Variants in SNX7 observed in about 807,000 individuals in gnomAD.
The protein encoded by SNX7 is sorting nexin-7.
In SNX7, 35 loss-of-function variants were observed where a neutral mutation model predicts 48.4. That is an observed-to-expected ratio of 0.72 (90% CI 0.55 to 0.96). SNX7 has a LOEUF of 0.96. SNX7 is among the 40% of genes least tolerant of loss of function. The pLI, the probability that SNX7 is intolerant of heterozygous loss-of-function variation, is 0.00. For synonymous variants in SNX7, 190 were observed against 190.2 expected (o/e 1.00, Z 0.01); for missense variants, 553 against 548.9 (o/e 1.01, Z -0.07).
chr1:98,717,884 T>G (rs1046706451), intron 7 of SNX7, among the ~76,000 whole-genome samples: 4 of 152,098 alleles, frequency 2.6e-5, no homozygotes, highest in Admixed American at 6.6e-5. Context: ...TTCTGAGACC[T>G]TCTTATTTAG....
At chr1:98,669,163 G>A (rs987343941) in intron 1 of SNX7, among the ~76,000 whole-genome samples, 9 of 152,076 alleles carry the variant, frequency 5.9e-5, no homozygotes, top group African/African-American at 2.2e-4. Context: ...TAATTCCTTA[G>A]GTGTCCAGGA....
chr1:98,701,985 C>T (rs1557808267), intron 7 of SNX7, 82 bp downstream of exon 7: 1 of 919,322 alleles, frequency 1.1e-6, no homozygotes, highest in Non-Finnish European at 1.7e-6. Context: ...CATGATTGTC[C>T]TTACATGATT....
At chr1:98,693,686 A>G (rs1051882131) in intron 4 of SNX7, among the ~76,000 whole-genome samples, 4 of 152,238 alleles carry the variant, frequency 2.6e-5, no homozygotes, top group Non-Finnish European at 5.9e-5. Context: ...ATTGGCACAA[A>G]AGAAATCACA....
At chr1:98,676,144 T>C (rs866457684) in intron 1 of SNX7, among the ~76,000 whole-genome samples, 2 of 151,932 alleles carry the variant, frequency 1.3e-5, no homozygotes, top group Non-Finnish European at 2.9e-5. Flanking sequence ...CCCCCAGTCA[T>C]ACACATACAC....
intron 2 of SNX7, among the ~76,000 whole-genome samples, chr1:98,690,501 A>T (rs923265168): frequency 6.6e-6 from 1 of 152,118 alleles, no homozygotes. Flanking sequence ...TTTTCTTTTC[A>T]CATCAAATGT....
chr1:98,666,523 A>G (rs1382055307), intron 1 of SNX7, among the ~76,000 whole-genome samples: 3 of 152,142 alleles, frequency 2.0e-5, no homozygotes, highest in African/African-American at 7.2e-5. Context: ...GATGTCATCT[A>G]TAGGTGCCAG....
intron 8 of SNX7, among the ~76,000 whole-genome samples, chr1:98,742,067 C>CA (rs1270492310): frequency 6.6e-6 from 1 of 151,972 alleles, no homozygotes; most frequent in African/African-American, 2.4e-5. Context: ...AGTATGAGCA[C>CA]AAAAAATGGG....
rs186685828 is a variant in SNX7 at position 98,692,170 on chromosome 1, T to C, written c.639+471T>C. On this transcript the variant is annotated intron_variant, in intron 4 of 8. Coordinates refer to ENST00000306121, the MANE Select transcript of SNX7 (RefSeq NM_015976.5). ...GTAGCCTCCTGTTGATTGGAAGCCT[T>C]AACTGTAACATAAACAGTTGGTTAA... 2.6e-5 allele frequency among the ~76,000 whole-genome samples: 4 copies of C among 152,256 alleles called. 1 individual carries two copies. Among genetic ancestry groups the C allele is most frequent in the Admixed American group, 2.6e-4 (4 of 15,294 alleles).
At position 98,740,244 on chromosome 1, in the gene SNX7, A is replaced by G. The variant is rs370137152; in HGVS notation, c.1278+1855A>G. 1.1e-4 allele frequency among the ~76,000 whole-genome samples: 17 copies of G among 152,262 alleles called. No homozygotes were observed. The East Asian group carries it at 3.3e-3, about 29-fold the overall frequency. On this transcript the variant is annotated intron_variant, in intron 8 of 8. Coordinates refer to ENST00000306121, the MANE Select transcript of SNX7 (RefSeq NM_015976.5). ...AAAGTATTTCTTTTTAATAAAGCAC[A>G]TTTATCAACATAAGGCTTTATTACC...
chr1:98,691,145 A>G lies in SNX7; in HGVS notation c.434A>G (p.Lys145Arg). The change falls in exon 3 of 9, where the codon AAG becomes AGG. Residue 145 changes from lysine (K) to arginine (R), a missense_variant. By Grantham distance (26) the Lys-to-Arg change is conservative. Transcript: ENST00000306121. ...RRRYQDFLWL[K>R]GKLEEAHPTL... ...CGATATCAAGATTTCCTTTGGTTGA[A>G]GGGAAAACTGGAAGAAGCACACCCC... The G allele has an allele frequency of 6.2e-7, 1 of 1,610,648 alleles. No individual in the cohort carries two copies. Among genetic ancestry groups the G allele is most frequent in the Non-Finnish European group, 8.5e-7 (1 of 1,178,072 alleles).
At chr1:98,749,806 T>C (rs1394878826) in intron 8 of SNX7, among the ~76,000 whole-genome samples, 4 of 152,140 alleles carry the variant, frequency 2.6e-5, no homozygotes, top group Non-Finnish European at 5.9e-5. Flanking sequence ...TGATAAATAA[T>C]TTCGTGGTGC....
intron 7 of SNX7, among the ~76,000 whole-genome samples, chr1:98,723,483 G>T (rs35232171): frequency 0.26 from 39,980 of 151,616 alleles, 5,561 homozygotes; most frequent in South Asian, 0.31. Context: ...CAGAATTAGA[G>T]AAAAGTAATT....
chr1:98,665,869 C>T (rs981212289), intron 1 of SNX7, among the ~76,000 whole-genome samples: 7 of 152,156 alleles, frequency 4.6e-5, no homozygotes, highest in South Asian at 2.1e-4. Context: ...GGATTACAGG[C>T]GTGAGCCACC....
intron 1 of SNX7, among the ~76,000 whole-genome samples, chr1:98,678,617 A>G (rs2100927420): frequency 6.6e-6 from 1 of 152,318 alleles, no homozygotes; most frequent in Non-Finnish European, 1.5e-5. Context: ...TAAAAAGTAA[A>G]GTGCTCAAAG....
intron 4 of SNX7, among the ~76,000 whole-genome samples, chr1:98,692,455 C>T (rs1017142452): frequency 3.9e-5 from 6 of 152,110 alleles, no homozygotes; most frequent in Non-Finnish European, 7.4e-5. Flanking sequence ...CATGACTTTT[C>T]TCTGCTTCTT....
chr1:98,735,342 A>G (rs1653718020), intron 7 of SNX7, among the ~76,000 whole-genome samples: 1 of 152,140 alleles, frequency 6.6e-6, no homozygotes, highest in African/African-American at 2.4e-5. Context: ...TGGAAAGATG[A>G]TTCACTGTGA....
At chr1:98,746,486 C>A (rs907430962) in intron 8 of SNX7, among the ~76,000 whole-genome samples, 4 of 152,030 alleles carry the variant, frequency 2.6e-5, no homozygotes, top group Admixed American at 2.6e-4. Context: ...TTTCTTTATC[C>A]TCTCACATAC....
chr1:98,710,750 T>C (rs1345880806), intron 7 of SNX7, among the ~76,000 whole-genome samples: 1 of 152,198 alleles, frequency 6.6e-6, no homozygotes, highest in African/African-American at 2.4e-5. Context: ...TTAATAAATA[T>C]TTCATAATGC....
At chr1:98,717,142 T>C (rs922912770) in intron 7 of SNX7, among the ~76,000 whole-genome samples, 5 of 152,118 alleles carry the variant, frequency 3.3e-5, no homozygotes, top group Non-Finnish European at 7.4e-5. Flanking sequence ...TATGGAATTA[T>C]GTGTTAACTA....
Sources: allele counts gnomAD v4.1 joint callset (sites outside exome capture counted in the v4.1 genomes callset), GRCh38; gene constraint gnomAD v4.1.1; transcripts MANE v1.5; gene names NCBI Gene and HGNC (gene_info 2026-07-23, HGNC 2026-07-21).